Variants in UVRAG observed in about 807,000 individuals in gnomAD.
UVRAG encodes the protein UV radiation resistance-associated gene protein.
Under a neutral mutation model 78.0 loss-of-function variants are expected in UVRAG, and 19 were observed. The ratio of observed to expected loss-of-function variants is 0.24; its 90% CI spans 0.17 to 0.36. The LOEUF is 0.36. Among genes scored for constraint, UVRAG ranks in the 10% least tolerant of loss-of-function variants. UVRAG has a pLI of 1.00. For synonymous variants in UVRAG, 323 were observed against 324.6 expected (o/e 1.00, Z 0.05); for missense variants, 740 against 853.8 (o/e 0.87, Z 1.66).
rs75529908 is a variant in UVRAG at position 76,030,673 on chromosome 11, C to T, written c.1226+13693C>T. Among the ~76,000 whole-genome samples the T allele has an allele frequency of 9.4e-3, 1,427 of 152,234 alleles. 23 individuals are homozygous for T. Among genetic ancestry groups the T allele is most frequent in the African/African-American group, 0.033 (1,363 of 41,548 alleles). Reference sequence around the variant, plus strand: ...TATTTCCTACCTTGATACTCATTGTCCATGCTATTCTATTTGTCTGGAATG... The same window carrying T: ...TATTTCCTACCTTGATACTCATTGTTCATGCTATTCTATTTGTCTGGAATG... On this transcript the variant is annotated intron_variant, in intron 12 of 14. Coordinates refer to ENST00000356136, the MANE Select transcript of UVRAG (RefSeq NM_003369.4).
chr11:75,815,838 C>T (rs1945253339), intron 1 of UVRAG, among the ~76,000 whole-genome samples: 1 of 152,170 alleles, frequency 6.6e-6, no homozygotes, highest in East Asian at 1.9e-4. Flanking sequence ...CCGGGGATTG[C>T]CCCGCGCAGA....
At chr11:75,994,382 A>T (rs1239197442) in intron 8 of UVRAG, among the ~76,000 whole-genome samples, 12 of 152,162 alleles carry the variant, frequency 7.9e-5, no homozygotes, top group Admixed American at 7.9e-4. Flanking sequence ...AAGTTAAATG[A>T]CTTGGCCAGG....
At chr11:76,133,313 T>G (rs1952544375) in intron 14 of UVRAG, among the ~76,000 whole-genome samples, 2 of 152,204 alleles carry the variant, frequency 1.3e-5, no homozygotes, top group Admixed American at 1.3e-4. Flanking sequence ...GTCTCGTGTT[T>G]CCTAACGATG....
At chr11:75,876,411 G>A (rs192380675) in intron 3 of UVRAG, among the ~76,000 whole-genome samples, 3 of 152,304 alleles carry the variant, frequency 2.0e-5, no homozygotes, top group Non-Finnish European at 4.4e-5. Flanking sequence ...ATTTCTTGTA[G>A]TGTGGATCAG....
At chr11:75,956,711 A>C (rs1338415252) in intron 6 of UVRAG, among the ~76,000 whole-genome samples, 1 of 152,326 alleles carries the variant, frequency 6.6e-6, no homozygotes, top group African/African-American at 2.4e-5. Context: ...CCAGCAATGC[A>C]TGCAAGTTTT....
chr11:76,053,344 A>G (rs76299599), intron 12 of UVRAG, among the ~76,000 whole-genome samples: 1 of 142,372 alleles, frequency 7.0e-6, no homozygotes. Context: ...CACACACACA[A>G]AAATAAATAT....
At chr11:76,108,081 A>G (rs1018678652) in intron 13 of UVRAG, among the ~76,000 whole-genome samples, 1 of 152,150 alleles carries the variant, frequency 6.6e-6, no homozygotes, top group African/African-American at 2.4e-5. Context: ...TCACGATAAC[A>G]CACGGTTTGT....
At chr11:75,988,969 A>G (rs1030963874) in intron 8 of UVRAG, among the ~76,000 whole-genome samples, 2 of 151,904 alleles carry the variant, frequency 1.3e-5, no homozygotes, top group African/African-American at 4.8e-5. Flanking sequence ...TATATTCTGG[A>G]TATGTTCTTT....
At chr11:76,116,505 A>G (rs187853012) in intron 14 of UVRAG, among the ~76,000 whole-genome samples, 12 of 152,360 alleles carry the variant, frequency 7.9e-5, no homozygotes, top group Admixed American at 7.8e-4. Flanking sequence ...GTGTGGTGTC[A>G]GTACCTGTTG....
intron 3 of UVRAG, among the ~76,000 whole-genome samples, chr11:75,873,117 C>CA (rs1310034515): frequency 6.6e-6 from 1 of 152,208 alleles, no homozygotes; most frequent in Non-Finnish European, 1.5e-5. Context: ...AGTGAACACA[C>CA]AGCTTTCATT....
At chr11:75,983,570 T>C in intron 8 of UVRAG, 57 bp downstream of exon 8, 1 of 1,491,654 alleles carries the variant, frequency 6.7e-7, no homozygotes, top group Non-Finnish European at 9.0e-7. Flanking sequence ...TTCTCCTTTC[T>C]TCTTCTTCAC....
chr11:75,842,376 C>T (rs1945934080), intron 1 of UVRAG, among the ~76,000 whole-genome samples: 1 of 151,806 alleles, frequency 6.6e-6, no homozygotes, highest in Non-Finnish European at 1.5e-5. Context: ...TGTGATTATA[C>T]ATCTTTTCAC....
Position 76,009,279 on chromosome 11 carries a change from T to C in UVRAG, c.1060+412T>C, listed in dbSNP as rs1950006992. On this transcript the variant is annotated intron_variant, in intron 11 of 14. Coordinates refer to ENST00000356136, the MANE Select transcript of UVRAG (RefSeq NM_003369.4). ...CTGACCTGAAAAGTATTTGAAAATTTAATTTTGTGAAGTTTCCATTACCAC... is the reference window on the plus strand; with the variant it reads ...CTGACCTGAAAAGTATTTGAAAATTCAATTTTGTGAAGTTTCCATTACCAC... Among the ~76,000 whole-genome samples the C allele has an allele frequency of 3.9e-5, 6 of 152,214 alleles. No homozygotes were observed. The South Asian group carries it at 1.2e-3, about 32-fold the overall frequency.
At chr11:76,038,050 G>A (rs918896107) in intron 12 of UVRAG, among the ~76,000 whole-genome samples, 1 of 151,850 alleles carries the variant, frequency 6.6e-6, no homozygotes, top group Non-Finnish European at 1.5e-5. Flanking sequence ...AAAATTAAAG[G>A]CAATGGGATT....
intron 1 of UVRAG, among the ~76,000 whole-genome samples, chr11:75,847,146 T>TG (rs1946052143): frequency 6.6e-6 from 1 of 151,220 alleles, no homozygotes; most frequent in Admixed American, 6.6e-5. Context: ...TTTCTTGAGA[T>TG]GGAGTCTCAC....
chr11:76,039,807 G>A (rs951351755), intron 12 of UVRAG, among the ~76,000 whole-genome samples: 2 of 152,156 alleles, frequency 1.3e-5, no homozygotes, highest in African/African-American at 4.8e-5. Flanking sequence ...CCCAGGAGGC[G>A]GAGGTTGCAG....
intron 12 of UVRAG, among the ~76,000 whole-genome samples, chr11:76,061,387 A>G (rs924309989): frequency 6.6e-5 from 10 of 152,198 alleles, no homozygotes; most frequent in Non-Finnish European, 1.0e-4. Context: ...GAATAAATGC[A>G]GGCTGCAGGC....
chr11:76,019,066 G>T (rs1479842769), intron 12 of UVRAG, among the ~76,000 whole-genome samples: 1 of 151,924 alleles, frequency 6.6e-6, no homozygotes, highest in Non-Finnish European at 1.5e-5. Flanking sequence ...TTTTCAAATA[G>T]CCTGTCTTCA....
intron 2 of UVRAG, among the ~76,000 whole-genome samples, chr11:75,857,035 T>A (rs950554598): frequency 1.3e-5 from 2 of 152,194 alleles, no homozygotes; most frequent in African/African-American, 2.4e-5. Context: ...GCTCTTACTA[T>A]CAAAATATAT....
Sources: gnomAD v4.1 joint callset for allele counts (sites outside exome capture counted in the v4.1 genomes callset) on GRCh38, gnomAD v4.1.1 for gene constraint, MANE v1.5 for transcripts, NCBI Gene and HGNC (gene_info 2026-07-23, HGNC 2026-07-21) for gene names.